Variants in BLOC1S3 observed in about 807,000 individuals in gnomAD.
BLOC1S3 encodes biogenesis of lysosome-related organelles complex 1 subunit 3.
Under a neutral mutation model 9.1 loss-of-function variants are expected in BLOC1S3, and 7 were observed. The observed-to-expected ratio is 0.77, with a 90% CI of 0.44 to 1.45. The LOEUF (loss-of-function observed/expected upper bound fraction) is 1.45. Among genes scored for constraint, BLOC1S3 ranks in the 40% most tolerant of loss-of-function variants. The probability of loss-of-function intolerance (pLI) is 0.01; values close to 1 mark genes in which losing one functional copy is unlikely to be tolerated. For synonymous variants in BLOC1S3, 145 were observed against 158.4 expected (o/e 0.92, Z 0.64); for missense variants, 307 against 315.2 (o/e 0.97, Z 0.20).
At chr19:45,201,195 C>A (rs1291094600) in intron 2 of BLOC1S3, among the ~76,000 whole-genome samples, 3 of 138,368 alleles carry the variant, frequency 2.2e-5, no homozygotes, top group Non-Finnish European at 4.8e-5. Context: ...AGAGTAAGAC[C>A]CTGTCTCAAA....
Position 45,179,976 on chromosome 19 carries a change from C to G in BLOC1S3, c.*71C>G. The G allele has an allele frequency of 6.5e-7, 1 of 1,539,662 alleles. No individual in the cohort carries two copies. On this transcript the variant is annotated 3_prime_UTR_variant, in exon 2 of 2. Transcript: ENST00000433642. The surrounding 1 kb of genome is among the most constrained non-coding windows in gnomAD (Gnocchi z 4.6). ...TGCTGCCTCTGGGACCTGACTCTGT[C>G]TCCTGTGTCTCTTATCACCCCCCAC...
intron 3 of BLOC1S3, among the ~76,000 whole-genome samples, chr19:45,211,510 GAAAAAAAA>G (rs576231552): frequency 1.8e-5 from 2 of 109,560 alleles, no homozygotes; most frequent in African/African-American, 6.9e-5. Flanking sequence ...GACTCTGACT[GAAAAAAAA>G]AAAAAAAAGA....
chr19:45,205,805 A>T (rs1969722038), intron 3 of BLOC1S3, among the ~76,000 whole-genome samples: 1 of 152,240 alleles, frequency 6.6e-6, no homozygotes, highest in Non-Finnish European at 1.5e-5. Flanking sequence ...TAGAAAACAA[A>T]CAACCCAATT....
At chr19:45,193,359 A>G (rs1218445042) in intron 2 of BLOC1S3, among the ~76,000 whole-genome samples, 1 of 151,892 alleles carries the variant, frequency 6.6e-6, no homozygotes, top group Admixed American at 6.6e-5. Context: ...CATAATTGCT[A>G]TCTCTTTATT....
At chr19:45,206,392 T>G (rs1969725664) in intron 3 of BLOC1S3, among the ~76,000 whole-genome samples, 1 of 149,006 alleles carries the variant, frequency 6.7e-6, no homozygotes, top group South Asian at 2.1e-4. Flanking sequence ...ATTTTCATGG[T>G]TTTTCCTGAT....
chr19:45,196,122 T>G (rs1969646731), intron 2 of BLOC1S3, among the ~76,000 whole-genome samples: 1 of 152,254 alleles, frequency 6.6e-6, no homozygotes, highest in Non-Finnish European at 1.5e-5. Context: ...GAAACACATT[T>G]CCAGATGTGG....
At chr19:45,189,010 A>G (rs1031037679) in intron 2 of BLOC1S3, among the ~76,000 whole-genome samples, 1 of 151,896 alleles carries the variant, frequency 6.6e-6, no homozygotes, top group African/African-American at 2.4e-5. Context: ...GGGTTTCACC[A>G]TGTTGGCCTG....
At chr19:45,193,726 G>C (rs1969624295) in intron 2 of BLOC1S3, among the ~76,000 whole-genome samples, 1 of 147,914 alleles carries the variant, frequency 6.8e-6, no homozygotes, top group South Asian at 2.2e-4. Flanking sequence ...TTTTAAAACT[G>C]TTTTTGCAAA....
intron 2 of BLOC1S3, among the ~76,000 whole-genome samples, chr19:45,190,253 CTTTT>C (rs1969594634): frequency 6.6e-6 from 1 of 151,652 alleles, no homozygotes; most frequent in Non-Finnish European, 1.5e-5. Context: ...CTGCCTGATT[CTTTT>C]AATTATTTCA....
At position 45,209,612 on chromosome 19, in the gene BLOC1S3, G is replaced by A. The variant is rs376531104; in HGVS notation, n.283-7064G>A. 3.3e-5 allele frequency among the ~76,000 whole-genome samples: 5 copies of A among 151,930 alleles called. No homozygotes were observed. The East Asian group carries it at 7.8e-4, about 24-fold the overall frequency. On this transcript the variant is annotated intron_variant and non_coding_transcript_variant, in intron 3 of 3. Coordinates refer to the BLOC1S3 transcript ENST00000591569. ...AATTTTTTGTATTTTTAGTAGAGAC[G>A]AGGTTTCACCGTGTTAGCCAGGATG... is the stretch of plus-strand genomic sequence containing the variant.
chr19:45,213,147 G>C, intron 3 of BLOC1S3: 2 of 1,588,090 alleles, frequency 1.3e-6, no homozygotes, highest in Non-Finnish European at 1.7e-6. Flanking sequence ...TGGCCAGCCG[G>C]GAGAGGGGGA....
intron 3 of BLOC1S3, among the ~76,000 whole-genome samples, chr19:45,206,848 T>C (rs536865831): frequency 6.6e-6 from 1 of 152,036 alleles, no homozygotes; most frequent in Non-Finnish European, 1.5e-5. Context: ...ATTTTATTTA[T>C]TTATTTATTT....
Position 45,180,165 on chromosome 19 carries a change from C to T in BLOC1S3, c.*260C>T, listed in dbSNP as rs938658189. ...CCCTGCCGCCTGGTTCTGAGCCTTC[C>T]CCTGGGGCTTGGCTCCAGCCTTTGT... On this transcript the variant is annotated 3_prime_UTR_variant, in exon 2 of 2. Transcript: ENST00000433642. 9.6e-6 allele frequency: 4 copies of T among 416,808 alleles called. No homozygotes were observed. The highest frequency in any genetic ancestry group is 4.2e-5 in the African/African-American group (2 of 47,776). 25.8% of individuals were successfully genotyped at this position (416,808 alleles called of 1,614,324 possible). A position where few individuals can be genotyped will look rare whatever the true frequency, so the allele number is the denominator to read the frequency against.
intron 2 of BLOC1S3, among the ~76,000 whole-genome samples, chr19:45,191,355 A>G (rs986821853): frequency 9.6e-5 from 14 of 145,866 alleles, no homozygotes; most frequent in African/African-American, 3.6e-4. Context: ...TCCCAACCTC[A>G]GGTGATCTGC....
chr19:45,183,839 A>G (rs1969546629), downstream of BLOC1S3, among the ~76,000 whole-genome samples: 1 of 151,434 alleles, frequency 6.6e-6, no homozygotes, highest in Non-Finnish European at 1.5e-5. Flanking sequence ...GTTTCACCAT[A>G]TTGGCCAGGC....
chr19:45,213,334 AG>A, intron 3 of BLOC1S3: 1 of 1,613,522 alleles, frequency 6.2e-7, no homozygotes, highest in Non-Finnish European at 8.5e-7. Context: ...ACGGATGTCG[AG>A]GAGGGCTGCC....
intron 2 of BLOC1S3, among the ~76,000 whole-genome samples, chr19:45,192,118 C>T (rs1414211624): frequency 6.6e-6 from 1 of 152,190 alleles, no homozygotes; most frequent in Non-Finnish European, 1.5e-5. Context: ...TCTACTGTGG[C>T]TGAGCTGGCA....
intron 2 of BLOC1S3, among the ~76,000 whole-genome samples, chr19:45,193,620 G>T (rs1224059075): frequency 6.6e-6 from 1 of 151,416 alleles, no homozygotes; most frequent in Non-Finnish European, 1.5e-5. Context: ...TGGACTTTTG[G>T]AGTATTATAA....
rs116105443 is a variant in BLOC1S3, at chr19:45,178,835, C to G, written c.-10+4C>G. On this transcript the variant is annotated splice_donor_region_variant and intron_variant, in intron 1 of 1. Transcript: ENST00000433642. ...AGCTCCGAGCGTCAGCTGCCGGGTA[C>G]GGTCTTTGGCGTTAGCGCTTCTCCC... is the stretch of plus-strand genomic sequence containing the variant. The G allele has an allele frequency of 0.02, 3,142 of 161,010 alleles. 114 individuals carry two copies. Among genetic ancestry groups the G allele is most frequent in the African/African-American group, 0.07 (2,951 of 41,894 alleles). 10.0% of individuals were successfully genotyped at this position (161,010 alleles called of 1,614,324 possible). A position where few individuals can be genotyped will look rare whatever the true frequency, so the allele number is the denominator to read the frequency against.
Sources: allele counts gnomAD v4.1 joint callset (sites outside exome capture counted in the v4.1 genomes callset), GRCh38; gene constraint gnomAD v4.1.1; non-coding constraint Gnocchi (gnomAD v3.1); transcripts MANE v1.5; gene names NCBI Gene and HGNC (gene_info 2026-07-23, HGNC 2026-07-21).